AHNAK: variants seen among roughly 807,000 people sequenced by gnomAD.
AHNAK encodes the protein neuroblast differentiation-associated protein AHNAK.
AHNAK carries 23 observed loss-of-function variants against 37.8 expected under a neutral mutation model. The observed-to-expected ratio is 0.61, with a 90% CI of 0.44 to 0.86. The LOEUF is 0.86. Ranked by LOEUF, AHNAK falls within the 40% of genes least tolerant of loss-of-function variation. The pLI is 0.00. For synonymous variants in AHNAK, 2,481 were observed against 2,636.3 expected (o/e 0.94, Z 1.80); for missense variants, 7,411 against 7,319.4 (o/e 1.01, Z -0.46).
chr11:62,454,340 G>A (rs1938607340), intron 5 of AHNAK, among the ~76,000 whole-genome samples: 1 of 151,428 alleles, frequency 6.6e-6, no homozygotes, highest in Admixed American at 6.6e-5. Context: ...GTGAACCCGG[G>A]AGGCGGAGCT....
chr11:62,524,598 A>C lies in AHNAK; in HGVS notation c.9819T>G (p.Asp3273Glu), dbSNP rs770097381. 5 of 1,614,036 alleles carry C rather than the reference A, an allele frequency of 3.1e-6. No individual in the cohort carries two copies. The highest frequency in any genetic ancestry group is 4.2e-6 in the Non-Finnish European group (5 of 1,179,988). The change falls in exon 5 of 5, where the codon GAT (aspartate) becomes GAG (glutamate). Residue 3273 changes from aspartate to glutamate, a missense_variant. Transcript: ENST00000378024. ...DAPDIDIHGP[D>E]AKLKGPKLKM... ...TCAGTTTTGGACCTTTTAATTTGGC[A>C]TCTGGGCCATGAATGTCAATATCTG...
At chr11:62,535,581 G>A (rs1940917335) in intron 3 of AHNAK, among the ~76,000 whole-genome samples, 1 of 151,908 alleles carries the variant, frequency 6.6e-6, no homozygotes, top group African/African-American at 2.4e-5. Flanking sequence ...CCAGGAGGCG[G>A]AGGTTGCAGT....
At chr11:62,473,510 C>A (rs924132396) in intron 5 of AHNAK, among the ~76,000 whole-genome samples, 3 of 151,764 alleles carry the variant, frequency 2.0e-5, no homozygotes. Context: ...GGTGAAACCC[C>A]GTCTCTCCTA....
chr11:62,512,817 C>G (rs942786114), downstream of AHNAK, among the ~76,000 whole-genome samples: 8 of 140,986 alleles, frequency 5.7e-5, no homozygotes, highest in African/African-American at 1.8e-4. This position sits in a 1 kb window ranked among gnomAD's most constrained non-coding sequence, Gnocchi z 4.0. Context: ...GAACGTGCCA[C>G]TGCACTCCAG....
chr11:62,444,825 G>A (rs545114891), intron 5 of AHNAK, among the ~76,000 whole-genome samples: 14 of 152,220 alleles, frequency 9.2e-5, no homozygotes, highest in African/African-American at 1.9e-4. Context: ...ACTGAATCCC[G>A]GAGCCTTCCC....
At chr11:62,440,569 T>C (rs1305164366) in intron 5 of AHNAK, among the ~76,000 whole-genome samples, 1 of 152,068 alleles carries the variant, frequency 6.6e-6, no homozygotes, top group Non-Finnish European at 1.5e-5. Flanking sequence ...TGGCCACCGA[T>C]TGCAGTGGGG....
intron 5 of AHNAK, among the ~76,000 whole-genome samples, chr11:62,459,527 T>TG (rs1369264971): frequency 1.3e-5 from 2 of 152,118 alleles, no homozygotes; most frequent in African/African-American, 4.8e-5. Flanking sequence ...GGCCCAGTGA[T>TG]GGAGAGGCAC....
intron 5 of AHNAK, among the ~76,000 whole-genome samples, chr11:62,456,107 G>C (rs1938652812): frequency 6.6e-6 from 1 of 152,128 alleles, no homozygotes; most frequent in Non-Finnish European, 1.5e-5. Flanking sequence ...AGAGGCAAAA[G>C]CATGTGAGGA....
chr11:62,484,727 C>T (rs1939353757), intron 5 of AHNAK, among the ~76,000 whole-genome samples: 1 of 152,220 alleles, frequency 6.6e-6, no homozygotes, highest in African/African-American at 2.4e-5. Flanking sequence ...TGGGGAGCCA[C>T]GGAAGGTCAT....
chr11:62,535,329 G>A (rs1433614371), intron 3 of AHNAK, 139 bp from the exon 4 acceptor site: 2 of 774,362 alleles, frequency 2.6e-6, no homozygotes, highest in African/African-American at 3.5e-5. Flanking sequence ...CCATTGTACA[G>A]ACACGGAAAC....
chr11:62,472,906 G>A (rs1359614282), intron 5 of AHNAK, among the ~76,000 whole-genome samples: 2 of 151,274 alleles, frequency 1.3e-5, no homozygotes, highest in African/African-American at 4.9e-5. Flanking sequence ...GGCCAACATA[G>A]TGAAAACTTG....
rs2134246865 is a variant in AHNAK, at chr11:62,534,042, G to A, written c.375C>T (p.Tyr125=). 1 of 1,564,812 alleles carries A rather than the reference G, an allele frequency of 6.4e-7. No homozygotes were observed. The highest frequency in any genetic ancestry group is 1.3e-5 in the African/African-American group (1 of 74,102). Residue 125 remains tyrosine (Y), a synonymous_variant, in exon 5 of 5, where the codon TAC becomes TAT. Transcript: ENST00000378024. Reference sequence around the variant, plus strand: ...TCAGCCGTGGCTTGATCTTCGTGGTGTAGATGCGCTGGTACTCCTCATCAT... The same window carrying A: ...TCAGCCGTGGCTTGATCTTCGTGGTATAGATGCGCTGGTACTCCTCATCAT... ...SGDDEEYQRI[Y]TTKIKPRLKS...
At chr11:62,477,502 G>A (rs542912639) in intron 5 of AHNAK, among the ~76,000 whole-genome samples, 1 of 152,206 alleles carries the variant, frequency 6.6e-6, no homozygotes, top group Non-Finnish European at 1.5e-5. Context: ...ATGCACCCCC[G>A]AACCTAAAAT....
rs926909424 is a variant in AHNAK, at chr11:62,534,991, C to T, written c.342+12G>A. 13 of 1,596,118 alleles carry T rather than the reference C, an allele frequency of 8.1e-6. No individual in the cohort carries two copies. The highest frequency in any genetic ancestry group is 1.7e-5 in the Admixed American group (1 of 59,698). On this transcript the variant is annotated intron_variant, in intron 4 of 4. Coordinates refer to ENST00000378024, the MANE Select transcript of AHNAK (RefSeq NM_001620.3). ...GGAGCTCAGGGCACAGATGGGCCGG[C>T]GAGGTACTCACCAGAACCACTTCAG...
intron 5 of AHNAK, among the ~76,000 whole-genome samples, chr11:62,452,749 C>A (rs566224150): frequency 1.3e-5 from 2 of 152,168 alleles, no homozygotes. Context: ...AGGCCGGGCG[C>A]GGTGGCTTAC....
chr11:62,492,358 A>G (rs751400555), intron 4 of AHNAK, among the ~76,000 whole-genome samples: 10 of 152,148 alleles, frequency 6.6e-5, no homozygotes, highest in Admixed American at 1.3e-4. Context: ...TGCCTTACAC[A>G]GTAGATCTCC....
intron 5 of AHNAK, among the ~76,000 whole-genome samples, chr11:62,470,602 T>TCAAAAAA (rs895548075): frequency 6.6e-5 from 10 of 152,032 alleles, no homozygotes; most frequent in South Asian, 2.1e-4. Context: ...AGAGACTGTC[T>TCAAAAAA]CAAAAAACAA....
chr11:62,475,881 A>AG (rs1170079546), intron 5 of AHNAK, among the ~76,000 whole-genome samples: 1 of 152,066 alleles, frequency 6.6e-6, no homozygotes, highest in African/African-American at 2.4e-5. Context: ...CTGGGATTAC[A>AG]GGTGTGAGCC....
chr11:62,524,962 T>A lies in AHNAK; in HGVS notation c.9455A>T (p.Lys3152Ile), dbSNP rs1331681980. 1.9e-6 allele frequency: 3 copies of A among 1,613,592 alleles called. No homozygotes were observed. Among genetic ancestry groups the A allele is most frequent in the Non-Finnish European group, 2.5e-6 (3 of 1,179,954 alleles). The stretch of plus-strand genomic sequence containing the variant: ...CATGCTGATCTTGGGCATTTTTATT[T>A]TAGGCATCTTCAGGTGCCAGTCTGG... ...QGPDWHLKMP[K>I]IKMPKISMPG... is the part of the protein sequence containing the mutation. The change falls in exon 5 of 5, where the codon AAA becomes ATA. Residue 3152 changes from lysine (K) to isoleucine (I), a missense_variant. Physicochemically the swap from Lys to Ile is moderately radical, Grantham distance 102 (BLOSUM62 -3). Coordinates refer to ENST00000378024, the MANE Select transcript of AHNAK (RefSeq NM_001620.3).
Sources: allele counts gnomAD v4.1 joint callset (sites outside exome capture counted in the v4.1 genomes callset), GRCh38; gene constraint gnomAD v4.1.1; non-coding constraint Gnocchi (gnomAD v3.1); transcripts MANE v1.5; gene names NCBI Gene and HGNC (gene_info 2026-07-23, HGNC 2026-07-21).